Variants in MILR1 observed in about 807,000 individuals in gnomAD.
MILR1 encodes the protein allergin-1.
MILR1 carries 31 observed loss-of-function variants against 18.5 expected under a neutral mutation model. The observed-to-expected ratio is 1.68, with a 90% CI of 1.26 to 2.26. The LOEUF (loss-of-function observed/expected upper bound fraction) is 2.26, where lower values mean the gene tolerates loss of function less well. Ranked by LOEUF, MILR1 falls within the 30% of genes most tolerant of loss-of-function variation. The probability of loss-of-function intolerance (pLI) is 0.00; values close to 1 mark genes in which losing one functional copy is unlikely to be tolerated. For missense variants in MILR1, 257 were observed against 157.4 expected, an observed-to-expected ratio of 1.63 and a Z score of -3.38; for synonymous variants, 85 against 56.2, an observed-to-expected ratio of 1.51 and a Z score of -2.30.
At chr17:64,488,524 G>A in the MILR1 span, among the ~76,000 whole-genome samples, 7 of 152,074 alleles carry the variant, frequency 4.6e-5, no homozygotes, top group Non-Finnish European at 8.8e-5. Context: ...GCAACATAGC[G>A]AGACCCCATT....
At chr17:64,471,870 G>A (rs888636677), downstream of MILR1, among the ~76,000 whole-genome samples, 1 of 152,194 alleles carries the variant, frequency 6.6e-6, no homozygotes, top group Non-Finnish European at 1.5e-5. Context: ...CAGGAACTTA[G>A]TATAGGATAA....
the MILR1 span, chr17:64,497,168 C>G: frequency 6.1e-6 from 4 of 650,792 alleles, 1 homozygote; most frequent in South Asian, 6.9e-5. Flanking sequence ...CGGACGCCGG[C>G]TCGGATGGTT....
chr17:64,491,003 T>C, the MILR1 span: 2 of 1,511,404 alleles, frequency 1.3e-6, no homozygotes, highest in Middle Eastern at 1.7e-4. Context: ...TCTTAACATA[T>C]TTAAATAAAC....
downstream of MILR1, among the ~76,000 whole-genome samples, chr17:64,470,619 G>A (rs143257018): frequency 9.2e-3 from 1,397 of 152,166 alleles, 13 homozygotes; most frequent in Non-Finnish European, 0.014. Flanking sequence ...GGCCTACCCC[G>A]TCCCTGTCAG....
intron 9 of MILR1, 139 bp from the exon 10 acceptor site, chr17:64,468,171 A>G: frequency 2.2e-6 from 1 of 446,236 alleles, no homozygotes; most frequent in Non-Finnish European, 4.5e-6. Flanking sequence ...TCCCTCCAAA[A>G]GTTGTGGGGA....
chr17:64,461,964 T>C (rs933408191), intron 5 of MILR1, among the ~76,000 whole-genome samples: 15 of 152,242 alleles, frequency 9.9e-5, no homozygotes, highest in African/African-American at 3.4e-4. Context: ...GACTGAAGAA[T>C]GTCCCATTGT....
chr17:64,479,899 T>C, the MILR1 span, among the ~76,000 whole-genome samples: 1 of 152,250 alleles, frequency 6.6e-6, no homozygotes, highest in South Asian at 2.1e-4. Flanking sequence ...GAACAGACCA[T>C]CCCTCCAGAA....
intron 4 of MILR1, among the ~76,000 whole-genome samples, chr17:64,459,611 A>G (rs2144042814): frequency 6.6e-6 from 1 of 152,290 alleles, no homozygotes; most frequent in South Asian, 2.1e-4. Flanking sequence ...GCACTTGGCT[A>G]TGAGTCACAG....
At chr17:64,492,966 A>C in the MILR1 span, 1 of 1,614,074 alleles carries the variant, frequency 6.2e-7, no homozygotes, top group Non-Finnish European at 8.5e-7. Context: ...GAGCAAGGCC[A>C]TAAGGTAGCC....
intron 3 of MILR1, among the ~76,000 whole-genome samples, chr17:64,455,219 C>G (rs2037263184): frequency 6.6e-6 from 1 of 152,136 alleles, no homozygotes; most frequent in African/African-American, 2.4e-5. Context: ...CACGACCTTC[C>G]TGCAATTTGT....
At chr17:64,471,104 C>T (rs1189411545), downstream of MILR1, among the ~76,000 whole-genome samples, 5 of 151,992 alleles carry the variant, frequency 3.3e-5, no homozygotes, top group Non-Finnish European at 1.5e-5. Flanking sequence ...GACTTCTGGT[C>T]GCTTGTTTTA....
At chr17:64,482,442 C>T in the MILR1 span, among the ~76,000 whole-genome samples, 1 of 151,922 alleles carries the variant, frequency 6.6e-6, no homozygotes, top group Non-Finnish European at 1.5e-5. Context: ...CTGCCTTAGC[C>T]TCCTGAGTAT....
chr17:64,496,584 C>T, the MILR1 span: 1 of 1,613,626 alleles, frequency 6.2e-7, no homozygotes, highest in Non-Finnish European at 8.5e-7. Context: ...TGGAGGGCGT[C>T]CACCGGGAAT....
At chr17:64,496,719 G>C in the MILR1 span, 1 of 1,614,120 alleles carries the variant, frequency 6.2e-7, no homozygotes, top group Non-Finnish European at 8.5e-7. Flanking sequence ...CTAAGCTGCT[G>C]CTTGCTTCCA....
chr17:64,457,609 G>T lies in MILR1; in HGVS notation c.577G>T (p.Glu193Ter). ...CAAGAAGAATCCTGGAGAAGAGGAA[G>T]AGTATAGGTGTGAAGCTAAAAACAG... ...LTKKNPGEEE[E>*]YRCEAKNRLP... The change falls in exon 4 of 10, where the codon GAG (glutamate) becomes TAG (stop). Residue 193 changes from glutamate (E) to a stop codon, truncating the protein, a stop_gained. Transcript: ENST00000619286. LOFTEE classifies it high-confidence loss of function. 1 of 475,410 alleles carries T rather than the reference G, an allele frequency of 2.1e-6. No homozygotes were observed. The allele number at this position is 475,410 out of a possible 1,614,324, so 29.4% of individuals were successfully genotyped here.
chr17:64,450,103 T>C (rs951369089), intron 2 of MILR1, among the ~76,000 whole-genome samples: 6 of 151,988 alleles, frequency 3.9e-5, no homozygotes, highest in African/African-American at 1.4e-4. Context: ...CAAGCCTGGC[T>C]AATGTTTTGT....
At position 64,460,829 on chromosome 17, in the gene MILR1, C is replaced by T. The variant is rs2037414778; in HGVS notation, c.660C>T (p.Asp220=). 1 of 475,010 alleles carries T rather than the reference C, an allele frequency of 2.1e-6. No individual in the cohort carries two copies. Among genetic ancestry groups the T allele is most frequent in the African/African-American group, 2.0e-5 (1 of 50,504 alleles). 29.4% of individuals were successfully genotyped at this position (475,010 alleles called of 1,614,324 possible). A position where few individuals can be genotyped will look rare whatever the true frequency, so the allele number is the denominator to read the frequency against. Residue 220 remains aspartate (D), a synonymous_variant, in exon 5 of 10, where the codon GAC becomes GAT. Transcript: ENST00000619286. ...HPVTMPSTGG[D]SCPFCLKLLL... ...GATGCGGTCTTCTTCCAGGCGGAGA[C>T]AGCTGTCCTTTCTGTCTGAAGCTAC... is the stretch of plus-strand genomic sequence containing the variant.
At chr17:64,476,885 A>C in the MILR1 span, among the ~76,000 whole-genome samples, 1 of 152,076 alleles carries the variant, frequency 6.6e-6, no homozygotes, top group Admixed American at 6.6e-5. Context: ...AAAATCAATT[A>C]AGTCAGTCAA....
chr17:64,482,691 G>GGTTA, the MILR1 span, among the ~76,000 whole-genome samples: 1 of 152,146 alleles, frequency 6.6e-6, no homozygotes, highest in Non-Finnish European at 1.5e-5. Context: ...TTAGAGTAAG[G>GGTTA]GTTAGGTTGA....
Sources: allele counts gnomAD v4.1 joint callset (sites outside exome capture counted in the v4.1 genomes callset), GRCh38; gene constraint gnomAD v4.1.1; transcripts MANE v1.5; gene names NCBI Gene and HGNC (gene_info 2026-07-23, HGNC 2026-07-21).